The following DLG2 variants were observed in gnomAD, a reference collection of about 807,000 sequenced individuals.
The protein encoded by DLG2 is discs large MAGUK scaffold protein 2.
DLG2 carries 45 observed loss-of-function variants against 132.5 expected under a neutral mutation model. The observed-to-expected ratio is 0.34, with a 90% CI of 0.27 to 0.44. DLG2 has a LOEUF of 0.44. DLG2 is among the 20% of genes least tolerant of loss of function. The probability of loss-of-function intolerance (pLI) is 1.00; values close to 1 mark genes in which losing one functional copy is unlikely to be tolerated. For missense variants in DLG2, 1,045 were observed against 1,196.9 expected, an observed-to-expected ratio of 0.87 and a Z score of 1.87; for synonymous variants, 424 against 419.6, an observed-to-expected ratio of 1.01 and a Z score of -0.13.
At chr11:85,396,684 G>A (rs12419206) in intron 3 of DLG2, among the ~76,000 whole-genome samples, 1 of 152,160 alleles carries the variant, frequency 6.6e-6, no homozygotes, top group Admixed American at 6.6e-5. Flanking sequence ...ATCAGTAATT[G>A]AAGATCAAAT....
chr11:84,522,934 TTGGACCACTCAAAA>T (rs1349474998), intron 7 of DLG2, among the ~76,000 whole-genome samples: 4 of 152,210 alleles, frequency 2.6e-5, no homozygotes, highest in Non-Finnish European at 4.4e-5. Context: ...AAATTCTTGT[TTGGACCACTCAAAA>T]TGTCCCCAAC....
At chr11:84,110,628 A>G (rs1228723051) in intron 9 of DLG2, among the ~76,000 whole-genome samples, 1 of 152,186 alleles carries the variant, frequency 6.6e-6, no homozygotes, top group Non-Finnish European at 1.5e-5. Flanking sequence ...ATAGGTTGGA[A>G]GTATCCTTCA....
At chr11:84,207,081 C>CTCTCTCTCTCTA (rs148707321) in intron 8 of DLG2, among the ~76,000 whole-genome samples, 6 of 147,000 alleles carry the variant, frequency 4.1e-5, no homozygotes, top group African/African-American at 1.2e-4. Context: ...CTCTCTCTCT[C>CTCTCTCTCTCTA]TATATATATA....
In DLG2 at chr11:84,230,477, T is replaced by G. The variant is rs544232097; in HGVS notation, c.573+20761A>C. ...TGTAAAAGTATAAAATAAATGAATA[T>G]GTACCTTAGTTGTACATTTTATTAA... On this transcript the variant is annotated intron_variant, in intron 8 of 27. Coordinates refer to ENST00000376104, the MANE Select transcript of DLG2 (RefSeq NM_001142699.3). Among the ~76,000 whole-genome samples, 66 of 152,354 alleles carry G rather than the reference T, an allele frequency of 4.3e-4. 1 individual carries two copies. Among genetic ancestry groups the G allele is most frequent in the African/African-American group, 1.4e-3 (58 of 41,586 alleles).
intron 3 of DLG2, among the ~76,000 whole-genome samples, chr11:85,339,951 G>A (rs566759066): frequency 2.3e-4 from 35 of 152,246 alleles, no homozygotes; most frequent in African/African-American, 7.7e-4. Context: ...ACCATCTCAC[G>A]CCAGTTAGAA....
intron 6 of DLG2, among the ~76,000 whole-genome samples, chr11:84,696,268 C>T (rs1301939941): frequency 6.6e-6 from 1 of 151,518 alleles, no homozygotes; most frequent in Non-Finnish European, 1.5e-5. Flanking sequence ...ATTTGCCATG[C>T]ACTGTGCTAA....
intron 7 of DLG2, among the ~76,000 whole-genome samples, chr11:84,366,213 A>C (rs2098681370): frequency 6.6e-6 from 1 of 152,072 alleles, no homozygotes; most frequent in African/African-American, 2.4e-5. Context: ...CAGCCAAACT[A>C]AGCTTCATAA....
Position 85,190,819 on chromosome 11 carries a change from A to G in DLG2, c.187-36168T>C, listed in dbSNP as rs541486228. Reference sequence around the variant, plus strand: ...CAAAACCACAATGAAATACCATCTTACACTGGTCAGAATGATTATTAAAAA... The same window carrying G: ...CAAAACCACAATGAAATACCATCTTGCACTGGTCAGAATGATTATTAAAAA... On this transcript the variant is annotated intron_variant, in intron 4 of 27. Transcript: ENST00000376104. Among the ~76,000 whole-genome samples, 42 of 152,338 alleles carry G rather than the reference A, an allele frequency of 2.8e-4. 1 individual carries two copies. The South Asian group carries it at 8.1e-3, about 29-fold the overall frequency.
At chr11:84,398,513 T>TG (rs1459443362) in intron 7 of DLG2, among the ~76,000 whole-genome samples, 54 of 152,330 alleles carry the variant, frequency 3.5e-4, no homozygotes, top group African/African-American at 1.3e-3. Flanking sequence ...AGAATGAGTA[T>TG]TTTTTAAGAC....
intron 18 of DLG2, among the ~76,000 whole-genome samples, chr11:83,715,996 T>C (rs2086605784): frequency 2.0e-5 from 3 of 152,172 alleles, no homozygotes; most frequent in Admixed American, 2.0e-4. Flanking sequence ...ACATTGATTA[T>C]ATTGCATTTT....
At chr11:83,886,930 C>A (rs1291812085) in intron 15 of DLG2, among the ~76,000 whole-genome samples, 1 of 152,100 alleles carries the variant, frequency 6.6e-6, no homozygotes, top group African/African-American at 2.4e-5. Context: ...ACCAGAATCT[C>A]TGGGACACAT....
At chr11:83,486,538 G>GATTAATTCTTTTATGTTTC (rs1462812787) in intron 21 of DLG2, among the ~76,000 whole-genome samples, 3 of 151,990 alleles carry the variant, frequency 2.0e-5, no homozygotes, top group African/African-American at 4.8e-5. Context: ...TGTTATCTGT[G>GATTAATTCTTTTATGTTTC]ATTAATTCTT....
intron 6 of DLG2, among the ~76,000 whole-genome samples, chr11:84,840,505 G>C (rs1056387985): frequency 2.6e-5 from 4 of 152,202 alleles, no homozygotes; most frequent in African/African-American, 9.6e-5. Flanking sequence ...ATACCCAAAG[G>C]ATTATAAATC....
chr11:84,180,113 A>C (rs2096076240), intron 8 of DLG2, among the ~76,000 whole-genome samples: 1 of 152,200 alleles, frequency 6.6e-6, no homozygotes, highest in Non-Finnish European at 1.5e-5. Flanking sequence ...AATTATGATT[A>C]GTATACTAAA....
rs1486883752 is a variant in DLG2, at chr11:85,559,008, C to T, written c.40+39649G>A. Among the ~76,000 whole-genome samples, 5 of 151,538 alleles carry T rather than the reference C, an allele frequency of 3.3e-5. 1 individual carries two copies. Among genetic ancestry groups the T allele is most frequent in the Admixed American group, 3.3e-4 (5 of 15,168 alleles). ...GTGCAGAACTAAAGGGAAGAAACCC[C>T]TATAGTATGTAAGCTGTGAGAAGCC... On this transcript the variant is annotated intron_variant, in intron 3 of 27. Transcript: ENST00000376104.
intron 7 of DLG2, among the ~76,000 whole-genome samples, chr11:84,473,211 AG>A (rs1191813368): frequency 6.6e-6 from 1 of 151,952 alleles, no homozygotes. Flanking sequence ...CATTCAATGA[AG>A]GGGGGGTTTC....
intron 7 of DLG2, among the ~76,000 whole-genome samples, chr11:84,279,086 C>T (rs1436720130): frequency 6.6e-6 from 1 of 152,080 alleles, no homozygotes; most frequent in Non-Finnish European, 1.5e-5. Flanking sequence ...GGGCTAATAT[C>T]CAGAATCTAC....
chr11:83,817,245 G>C (rs2049279057), intron 17 of DLG2, among the ~76,000 whole-genome samples: 1 of 152,120 alleles, frequency 6.6e-6, no homozygotes, highest in African/African-American at 2.4e-5. Flanking sequence ...CTAACTTGGA[G>C]GTGCTTCTGT....
chr11:85,009,586 C>A lies in DLG2; in HGVS notation c.357+102075G>T, dbSNP rs143896434. 1.8e-4 allele frequency among the ~76,000 whole-genome samples: 28 copies of A among 152,212 alleles called. 1 individual carries two copies. In the East Asian group the frequency reaches 5.2e-3, roughly 28 times the overall value. The stretch of plus-strand genomic sequence containing the variant: ...AATATCAAAAGATACTCCTCAAATT[C>A]ATTTAATGTAGAAACTTTTTTTCTG... On this transcript the variant is annotated intron_variant, in intron 6 of 27. Coordinates refer to ENST00000376104, the MANE Select transcript of DLG2 (RefSeq NM_001142699.3).
Sources: gnomAD v4.1 joint callset for allele counts (sites outside exome capture counted in the v4.1 genomes callset) on GRCh38, gnomAD v4.1.1 for gene constraint, MANE v1.5 for transcripts, NCBI Gene and HGNC (gene_info 2026-07-23, HGNC 2026-07-21) for gene names.